Variants in GSK3B observed in about 807,000 individuals in gnomAD.
GSK3B encodes glycogen synthase kinase 3 beta.
GSK3B carries 15 observed loss-of-function variants against 56.4 expected under a neutral mutation model. The observed-to-expected ratio is 0.27, with a 90% CI of 0.18 to 0.41. GSK3B has a LOEUF of 0.41. Ranked by LOEUF, GSK3B falls within the 10% of genes least tolerant of loss-of-function variation. GSK3B has a pLI of 1.00. For missense variants in GSK3B, 300 were observed against 513.4 expected (o/e 0.58, Z 4.02); for synonymous variants, 181 against 188.9 (o/e 0.96, Z 0.34).
intron 2 of GSK3B, among the ~76,000 whole-genome samples, chr3:119,994,809 T>C (rs2057599199): frequency 6.6e-6 from 1 of 152,120 alleles, no homozygotes; most frequent in South Asian, 2.1e-4. Context: ...ACTAAACACA[T>C]GACCCAGGAT....
At chr3:119,885,619 A>G (rs1460307792) in intron 7 of GSK3B, among the ~76,000 whole-genome samples, 2 of 152,198 alleles carry the variant, frequency 1.3e-5, no homozygotes, top group African/African-American at 2.4e-5. Context: ...AAAAGGACAA[A>G]GCCAGAGGCA....
At chr3:119,982,764 C>G (rs1263619155) in intron 2 of GSK3B, among the ~76,000 whole-genome samples, 2 of 152,086 alleles carry the variant, frequency 1.3e-5, no homozygotes, top group Non-Finnish European at 2.9e-5. Context: ...GAGAAGGGAA[C>G]CAAGTTGGAA....
chr3:120,050,366 T>C (rs927323146), intron 1 of GSK3B, among the ~76,000 whole-genome samples: 18 of 152,220 alleles, frequency 1.2e-4, no homozygotes, highest in Non-Finnish European at 2.1e-4. Context: ...GAAGTTGCAT[T>C]CTAATAAAAC....
At chr3:119,866,167 G>A (rs1336186564) in intron 8 of GSK3B, among the ~76,000 whole-genome samples, 1 of 151,946 alleles carries the variant, frequency 6.6e-6, no homozygotes, top group Non-Finnish European at 1.5e-5. Flanking sequence ...CTAGAAACTA[G>A]CTCATCTGAA....
At position 119,923,428 on chromosome 3, in the gene GSK3B, CTG is replaced by C; in HGVS notation, c.420_421del (p.Tyr140Ter). 1 of 1,605,330 alleles carries C rather than the reference CTG, an allele frequency of 6.2e-7. No individual in the cohort carries two copies. Among genetic ancestry groups the C allele is most frequent in the Middle Eastern group, 1.7e-4 (1 of 6,010 alleles). On this transcript the variant is annotated stop_gained and frameshift_variant, in exon 4 of 11. Coordinates refer to ENST00000264235, the MANE Select transcript of GSK3B (RefSeq NM_001146156.2). LOFTEE classifies it high-confidence loss of function. ...GGCTCGACTATAGTGTCTGGCAACT[CTG>C]TATACTGTTTCCGGAACATAGTCCA...
intron 2 of GSK3B, among the ~76,000 whole-genome samples, chr3:119,957,358 C>G (rs1279562951): frequency 6.6e-6 from 1 of 152,126 alleles, no homozygotes; most frequent in Non-Finnish European, 1.5e-5. Flanking sequence ...ACTTGCCCAG[C>G]ACAGAAAGGG....
intron 2 of GSK3B, among the ~76,000 whole-genome samples, chr3:119,955,123 T>C (rs2057198748): frequency 6.6e-6 from 1 of 151,810 alleles, no homozygotes. Flanking sequence ...ATGAAGGTTA[T>C]CCAAAGTTGC....
chr3:119,928,760 G>T (rs1008973309), intron 3 of GSK3B, among the ~76,000 whole-genome samples: 2 of 151,624 alleles, frequency 1.3e-5, no homozygotes, highest in Non-Finnish European at 2.9e-5. Flanking sequence ...AAACTATATA[G>T]AAGTCCCAAT....
chr3:120,086,564 G>A (rs1362757033), intron 1 of GSK3B, among the ~76,000 whole-genome samples: 6 of 152,220 alleles, frequency 3.9e-5, no homozygotes, highest in South Asian at 2.1e-4. Context: ...GTGGGAGGCT[G>A]AGGCAGGATT....
chr3:120,003,484 G>A (rs1279709673), intron 1 of GSK3B, among the ~76,000 whole-genome samples: 1 of 151,990 alleles, frequency 6.6e-6, no homozygotes, highest in Non-Finnish European at 1.5e-5. Flanking sequence ...TAAGTCCTTA[G>A]GCTCACTTAT....
At chr3:119,834,677 G>T (rs1382704342) in intron 10 of GSK3B, among the ~76,000 whole-genome samples, 1 of 151,262 alleles carries the variant, frequency 6.6e-6, no homozygotes, top group African/African-American at 2.4e-5. Context: ...TAGGAATAAA[G>T]AAAAAAAAGG....
At chr3:120,016,154 A>G (rs1327218093) in intron 1 of GSK3B, among the ~76,000 whole-genome samples, 2 of 152,208 alleles carry the variant, frequency 1.3e-5, no homozygotes, top group African/African-American at 4.8e-5. Flanking sequence ...AACTGTTTAC[A>G]GTTTGCAAGC....
intron 3 of GSK3B, among the ~76,000 whole-genome samples, chr3:119,944,128 C>A (rs765485013): frequency 1.3e-5 from 2 of 152,134 alleles, no homozygotes; most frequent in Non-Finnish European, 1.5e-5. Flanking sequence ...TCTCTCTAAT[C>A]CTGAAACAAT....
intron 1 of GSK3B, among the ~76,000 whole-genome samples, chr3:120,030,472 C>A (rs1313563032): frequency 2.0e-5 from 3 of 152,206 alleles, no homozygotes; most frequent in Non-Finnish European, 2.9e-5. Context: ...CCTTCAGCAT[C>A]TTTTACAAAA....
At chr3:119,913,310 T>A (rs560845637) in intron 5 of GSK3B, among the ~76,000 whole-genome samples, 4 of 152,268 alleles carry the variant, frequency 2.6e-5, no homozygotes, top group African/African-American at 7.2e-5. Context: ...TTTTTCCATA[T>A]CTTGGTCAAT....
intron 2 of GSK3B, among the ~76,000 whole-genome samples, chr3:119,991,446 C>T (rs556116769): frequency 4.4e-4 from 63 of 142,958 alleles, no homozygotes; most frequent in South Asian, 4.2e-3. Flanking sequence ...TCCTGGCACA[C>T]AGGGATAATT....
intron 7 of GSK3B, among the ~76,000 whole-genome samples, chr3:119,888,635 A>G (rs770795818): frequency 1.4e-4 from 21 of 152,104 alleles, no homozygotes; most frequent in Non-Finnish European, 2.8e-4. Flanking sequence ...GAATAACAGC[A>G]ATTTTCAGGG....
intron 7 of GSK3B, among the ~76,000 whole-genome samples, chr3:119,883,027 C>A (rs1275325089): frequency 6.6e-6 from 1 of 152,094 alleles, no homozygotes; most frequent in Non-Finnish European, 1.5e-5. Flanking sequence ...GGTCTGTCAG[C>A]ACAAAATGGC....
At chr3:119,827,946 A>G (rs924627093) in intron 10 of GSK3B, among the ~76,000 whole-genome samples, 1 of 152,206 alleles carries the variant, frequency 6.6e-6, no homozygotes, top group Non-Finnish European at 1.5e-5. Flanking sequence ...TTAATTGTAC[A>G]TTTTAAAATA....
Sources: allele counts gnomAD v4.1 joint callset (sites outside exome capture counted in the v4.1 genomes callset), GRCh38; gene constraint gnomAD v4.1.1; transcripts MANE v1.5; gene names NCBI Gene and HGNC (gene_info 2026-07-23, HGNC 2026-07-21).